PCSK5: variants seen among roughly 807,000 people sequenced by gnomAD.
PCSK5 encodes the protein prohormone convertase 5.
A neutral mutation model predicts 233.2 loss-of-function variants in PCSK5; 129 were observed. The observed-to-expected ratio is 0.55, with a 90% CI of 0.48 to 0.64. The LOEUF (loss-of-function observed/expected upper bound fraction) is 0.64, where lower values mean the gene tolerates loss of function less well. PCSK5 is among the 30% of genes least tolerant of loss of function. PCSK5 has a pLI of 0.00. For synonymous variants in PCSK5, 825 were observed against 879.2 expected (o/e 0.94, Z 1.09); for missense variants, 2,076 against 2,430.1 (o/e 0.85, Z 3.06).
intron 3 of PCSK5, among the ~76,000 whole-genome samples, chr9:76,023,315 CTA>C (rs1828281014): frequency 2.0e-5 from 3 of 152,060 alleles, no homozygotes; most frequent in Admixed American, 1.3e-4. Context: ...TGCTGGAGAT[CTA>C]TGTTTTTACA....
At position 76,188,610 on chromosome 9, in the gene PCSK5, A is replaced by T. The variant is rs749275208; in HGVS notation, c.2315A>T (p.Glu772Val). 1 of 1,613,666 alleles carries T rather than the reference A, an allele frequency of 6.2e-7. No homozygotes were observed. The highest frequency in any genetic ancestry group is 8.5e-7 in the Non-Finnish European group (1 of 1,179,746). The change falls in exon 18 of 38, where the codon GAA becomes GTA. Residue 772 changes from glutamate to valine, a missense_variant. By Grantham distance (121) the Glu-to-Val change is moderately radical. Coordinates refer to ENST00000674117, the MANE Select transcript of PCSK5 (RefSeq NM_001372043.1). ...LQGSRCSVSC[E>V]DGRYFNGQDC... ...GGATCCCGGTGCTCTGTCTCCTGTG[A>T]AGATGGACGGTATTTCAACGGCCAG...
At chr9:75,983,909 C>A (rs1303399249) in intron 2 of PCSK5, among the ~76,000 whole-genome samples, 2 of 152,170 alleles carry the variant, frequency 1.3e-5, no homozygotes, top group Middle Eastern at 3.4e-3. Flanking sequence ...GTACTTTTCC[C>A]ACTTTCCAAA....
chr9:76,125,294 C>G (rs531449897), intron 9 of PCSK5, among the ~76,000 whole-genome samples: 1 of 152,206 alleles, frequency 6.6e-6, no homozygotes, highest in Admixed American at 6.5e-5. Flanking sequence ...ATTTCCTCCC[C>G]CTTCTGACAA....
chr9:75,895,262 A>G (rs1825760354), intron 1 of PCSK5, among the ~76,000 whole-genome samples: 1 of 152,218 alleles, frequency 6.6e-6, no homozygotes, highest in African/African-American at 2.4e-5. Flanking sequence ...CTTCATCTGT[A>G]AAATGATAAA....
At position 76,308,742 on chromosome 9, in the gene PCSK5, G is replaced by C. The variant is rs774288531; in HGVS notation, c.3688+14G>C. The C allele has an allele frequency of 1.3e-6, 2 of 1,565,230 alleles. No homozygotes were observed. The highest frequency in any genetic ancestry group is 1.8e-6 in the Non-Finnish European group (2 of 1,137,690). On this transcript the variant is annotated intron_variant, in intron 29 of 37. Coordinates refer to ENST00000674117, the MANE Select transcript of PCSK5 (RefSeq NM_001372043.1). Reference sequence around the variant, plus strand: ...CATGTCCCAAAGGTTAGTGTGTTGCGTGACAGAAGATGGCAGCAGTCAAGC... The same window carrying C: ...CATGTCCCAAAGGTTAGTGTGTTGCCTGACAGAAGATGGCAGCAGTCAAGC...
chr9:76,108,338 G>A (rs555009676), intron 9 of PCSK5, among the ~76,000 whole-genome samples: 115 of 152,306 alleles, frequency 7.6e-4, no homozygotes, highest in African/African-American at 2.6e-3. Context: ...TCTAAAAATA[G>A]CCCTGCACCT....
intron 5 of PCSK5, among the ~76,000 whole-genome samples, chr9:76,062,953 C>T (rs989588831): frequency 6.6e-6 from 1 of 152,124 alleles, no homozygotes; most frequent in African/African-American, 2.4e-5. Flanking sequence ...ATCCCCCACA[C>T]AGTCCTACCC....
intron 3 of PCSK5, among the ~76,000 whole-genome samples, chr9:75,988,051 G>T (rs958192756): frequency 1.3e-5 from 2 of 152,208 alleles, no homozygotes; most frequent in Non-Finnish European, 2.9e-5. Context: ...TAGCCTGGTG[G>T]CTGAAGGTTT....
chr9:76,111,783 C>T (rs1023214402), intron 9 of PCSK5, among the ~76,000 whole-genome samples: 32 of 152,096 alleles, frequency 2.1e-4, no homozygotes, highest in African/African-American at 7.5e-4. Flanking sequence ...GATGGCTGTA[C>T]TAATTTTAGC....
chr9:76,349,273 C>CAAAA (rs71372068), intron 35 of PCSK5, among the ~76,000 whole-genome samples: 1 of 66,504 alleles, frequency 1.5e-5, no homozygotes, highest in African/African-American at 5.4e-5. Flanking sequence ...GACTCTGTCT[C>CAAAA]AAAAAAAAAA....
intron 20 of PCSK5, among the ~76,000 whole-genome samples, chr9:76,207,424 G>T (rs1296199590): frequency 1.3e-5 from 2 of 152,148 alleles, no homozygotes; most frequent in Non-Finnish European, 2.9e-5. Context: ...ATAAATGTCC[G>T]CTGGATTGTT....
At chr9:76,122,829 T>TTTTTTTTTC (rs1832697659) in intron 9 of PCSK5, among the ~76,000 whole-genome samples, 3 of 126,642 alleles carry the variant, frequency 2.4e-5, no homozygotes, top group Non-Finnish European at 3.3e-5. Context: ...TTTTTTTTCT[T>TTTTTTTTTC]TTTTTTTTTT....
chr9:76,235,535 A>G (rs1826226658), intron 22 of PCSK5, among the ~76,000 whole-genome samples: 1 of 152,162 alleles, frequency 6.6e-6, no homozygotes, highest in African/African-American at 2.4e-5. Flanking sequence ...CATTTATTGC[A>G]TCCCTTCTAT....
chr9:76,134,643 A>G (rs1350350242), intron 10 of PCSK5, among the ~76,000 whole-genome samples: 1 of 152,066 alleles, frequency 6.6e-6, no homozygotes, highest in Non-Finnish European at 1.5e-5. Context: ...CATGCATTCT[A>G]CAAATTTTGT....
At chr9:76,134,621 A>C (rs1365596849) in intron 10 of PCSK5, among the ~76,000 whole-genome samples, 6 of 152,072 alleles carry the variant, frequency 3.9e-5, no homozygotes, top group African/African-American at 1.4e-4. Flanking sequence ...TAGCACTGTT[A>C]GTTGCTAAGG....
At position 76,174,989 on chromosome 9, in the gene PCSK5, A is replaced by T; in HGVS notation, c.1760A>T (p.Lys587Ile). ...SQLRNFKTPG[K>I]LKEWSLVLYG... The stretch of plus-strand genomic sequence containing the variant: ...GATTTCATTATTATTTCTCAAGGTA[A>T]ATTGAAAGAATGGTCTTTGGTCCTC... The change falls in exon 14 of 38, where the codon AAA (lysine) becomes ATA (isoleucine). Residue 587 changes from lysine (K) to isoleucine (I), a missense_variant. Physicochemically the swap from Lys to Ile is moderately radical, Grantham distance 102. This residue lies in a region of PCSK5 where 50 missense variants were observed against 104.7 expected (regional missense o/e 0.48). Coordinates refer to ENST00000674117, the MANE Select transcript of PCSK5 (RefSeq NM_001372043.1). 6.3e-7 allele frequency: 1 copy of T among 1,598,344 alleles called. No homozygotes were observed. Among genetic ancestry groups the T allele is most frequent in the Non-Finnish European group, 8.5e-7 (1 of 1,172,422 alleles).
At chr9:76,336,139 T>A (rs1013533163) in intron 34 of PCSK5, among the ~76,000 whole-genome samples, 2 of 152,192 alleles carry the variant, frequency 1.3e-5, no homozygotes, top group Admixed American at 1.3e-4. Context: ...ATAGTAGTCA[T>A]TGTTCTTCAC....
chr9:76,177,106 A>G (rs1252899844), intron 14 of PCSK5, among the ~76,000 whole-genome samples: 1 of 152,206 alleles, frequency 6.6e-6, no homozygotes, highest in Non-Finnish European at 1.5e-5. Flanking sequence ...CCTGGGCAAC[A>G]TGGTGAAACC....
intron 1 of PCSK5, among the ~76,000 whole-genome samples, chr9:75,897,370 A>G (rs1825850953): frequency 6.6e-6 from 1 of 151,960 alleles, no homozygotes; most frequent in Non-Finnish European, 1.5e-5. Context: ...CCATGGAGAC[A>G]GGACAGGGGA....
Sources: gnomAD v4.1 joint callset for allele counts (sites outside exome capture counted in the v4.1 genomes callset) on GRCh38, gnomAD v4.1.1 for gene constraint, gnomAD v4.1.1 regional missense constraint, MANE v1.5 for transcripts, NCBI Gene and HGNC (gene_info 2026-07-23, HGNC 2026-07-21) for gene names.